SLC16A12: variants seen among roughly 807,000 people sequenced by gnomAD.
SLC16A12 encodes monocarboxylate transporter 12.
Under a neutral mutation model 42.4 loss-of-function variants are expected in SLC16A12, and 17 were observed. The observed-to-expected ratio is 0.40, with a 90% CI of 0.27 to 0.60. The LOEUF is 0.60. Ranked by LOEUF, SLC16A12 falls within the 20% of genes least tolerant of loss-of-function variation. The pLI, the probability that SLC16A12 is intolerant of heterozygous loss-of-function variation, is 0.42. For synonymous variants in SLC16A12, 224 were observed against 229.4 expected (o/e 0.98, Z 0.21); for missense variants, 544 against 623.0 (o/e 0.87, Z 1.35).
upstream of SLC16A12, among the ~76,000 whole-genome samples, chr10:89,537,736 T>C (rs1031602767): frequency 1.2e-4 from 18 of 150,094 alleles, no homozygotes; most frequent in African/African-American, 4.4e-4. Context: ...ATTTAAATAA[T>C]GTAGGACAAC....
intron 2 of SLC16A12, among the ~76,000 whole-genome samples, chr10:89,528,739 G>T (rs995474732): frequency 6.6e-6 from 1 of 152,192 alleles, no homozygotes; most frequent in African/African-American, 2.4e-5. Flanking sequence ...AACCCTGGCT[G>T]TACATGAGAT....
chr10:89,495,538 A>G (rs1484334887), intron 2 of SLC16A12, among the ~76,000 whole-genome samples: 4 of 152,298 alleles, frequency 2.6e-5, no homozygotes, highest in East Asian at 1.9e-4. Flanking sequence ...ATCTTGATAC[A>G]TCCATCAAAA....
chr10:89,445,633 C>A (rs907974181), intron 3 of SLC16A12, among the ~76,000 whole-genome samples: 3 of 152,128 alleles, frequency 2.0e-5, no homozygotes, highest in Non-Finnish European at 2.9e-5. Flanking sequence ...GTAGATAAAA[C>A]CACAAAGATG....
intron 2 of SLC16A12, among the ~76,000 whole-genome samples, chr10:89,494,191 G>A (rs1319664300): frequency 6.6e-6 from 1 of 152,168 alleles, no homozygotes; most frequent in Non-Finnish European, 1.5e-5. Flanking sequence ...CATTGGTCCA[G>A]CATCAAAAAG....
intron 2 of SLC16A12, among the ~76,000 whole-genome samples, chr10:89,488,036 T>G (rs1313271946): frequency 6.8e-6 from 1 of 146,662 alleles, no homozygotes; most frequent in African/African-American, 2.5e-5. Context: ...ATATATTAAA[T>G]ATATATGTGT....
At position 89,430,931 on chromosome 10, in the gene SLC16A12, T is replaced by C. The variant is rs188692739; in HGVS notation, c.*2133A>G. 12 of 339,882 alleles carry C rather than the reference T, an allele frequency of 3.5e-5. No individual in the cohort carries two copies. The highest frequency in any genetic ancestry group is 1.9e-4 in the South Asian group (8 of 41,950). The allele number at this position is 339,882 out of a possible 1,614,324, so 21.1% of individuals were successfully genotyped here. A position where few individuals can be genotyped will look rare whatever the true frequency, so the allele number is the denominator to read the frequency against. ...TTAGGCTTGAAAATTCAAGAAATGATATTTAGGGCAAAGTGCTATTCCAAA... is the reference window on the plus strand; with the variant it reads ...TTAGGCTTGAAAATTCAAGAAATGACATTTAGGGCAAAGTGCTATTCCAAA... On this transcript the variant is annotated 3_prime_UTR_variant, in exon 8 of 8. Coordinates refer to ENST00000371790, the MANE Select transcript of SLC16A12 (RefSeq NM_213606.4).
intron 2 of SLC16A12, among the ~76,000 whole-genome samples, chr10:89,468,794 C>G (rs1842448305): frequency 6.6e-6 from 1 of 152,150 alleles, no homozygotes; most frequent in African/African-American, 2.4e-5. Context: ...AATTAACCCA[C>G]CTGACAAGAG....
intron 3 of SLC16A12, among the ~76,000 whole-genome samples, chr10:89,448,564 T>C (rs1842040836): frequency 6.6e-6 from 1 of 152,202 alleles, no homozygotes; most frequent in Non-Finnish European, 1.5e-5. Context: ...CATCCCTTCA[T>C]GCTAAAAACT....
chr10:89,544,644 GA>G (rs1564605675), intron 2 of SLC16A12, among the ~76,000 whole-genome samples: 1 of 152,224 alleles, frequency 6.6e-6, no homozygotes, highest in South Asian at 2.1e-4. Context: ...GAAATTTATT[GA>G]AATTTTTTAG....
chr10:89,461,936 G>GC (rs1842306983), intron 3 of SLC16A12, among the ~76,000 whole-genome samples: 1 of 152,210 alleles, frequency 6.6e-6, no homozygotes, highest in Non-Finnish European at 1.5e-5. Flanking sequence ...AAGAGTGGAA[G>GC]ATGAAGAGTG....
Position 89,475,797 on chromosome 10 carries a change from C to A in SLC16A12, c.-46-13173G>T, listed in dbSNP as rs149744812. On this transcript the variant is annotated intron_variant, in intron 2 of 7. Transcript: ENST00000371790. ...TTTACATAAGACTTAGAATAAACAG[C>A]AGAGTGATTTATATGGTATTTGGTC... Among the ~76,000 whole-genome samples the A allele has an allele frequency of 1.4e-4, 22 of 152,234 alleles. No individual in the cohort carries two copies. The East Asian group carries it at 3.9e-3, about 27-fold the overall frequency.
chr10:89,487,976 ATATATATAT>A (rs1842786697), intron 2 of SLC16A12, among the ~76,000 whole-genome samples: 6 of 134,266 alleles, frequency 4.5e-5, no homozygotes, highest in African/African-American at 1.6e-4. Context: ...ATATATATAT[ATATATATAT>A]ATATATATAT....
chr10:89,533,833 T>TAAA (rs113124054), intron 2 of SLC16A12, among the ~76,000 whole-genome samples: 76 of 145,818 alleles, frequency 5.2e-4, no homozygotes, highest in African/African-American at 1.4e-3. Flanking sequence ...TCCCATCAGT[T>TAAA]AAAAAAAAAA....
At chr10:89,516,420 T>C (rs1277746018) in intron 2 of SLC16A12, among the ~76,000 whole-genome samples, 1 of 152,188 alleles carries the variant, frequency 6.6e-6, no homozygotes, top group Non-Finnish European at 1.5e-5. Flanking sequence ...AAATAGAAAC[T>C]CTAAATAACT....
intron 2 of SLC16A12, among the ~76,000 whole-genome samples, chr10:89,465,025 ACT>A (rs1261299162): frequency 6.6e-6 from 1 of 152,234 alleles, no homozygotes; most frequent in Admixed American, 6.5e-5. Context: ...ATTGCTAAAC[ACT>A]GGCCTGAGGA....
intron 2 of SLC16A12, among the ~76,000 whole-genome samples, chr10:89,508,156 T>G (rs182379965): frequency 3.3e-5 from 5 of 152,176 alleles, no homozygotes; most frequent in African/African-American, 9.6e-5. Context: ...CTATCAATAT[T>G]AGACAGATCA....
At chr10:89,476,560 C>T (rs1390187569) in intron 2 of SLC16A12, among the ~76,000 whole-genome samples, 4 of 152,196 alleles carry the variant, frequency 2.6e-5, no homozygotes, top group Non-Finnish European at 5.9e-5. Context: ...AGAACAGGGA[C>T]TCAATAAGCA....
intron 5 of SLC16A12, among the ~76,000 whole-genome samples, chr10:89,440,261 T>G (rs1841883885): frequency 6.6e-6 from 1 of 152,070 alleles, no homozygotes; most frequent in Non-Finnish European, 1.5e-5. Flanking sequence ...TTGCCTGGAC[T>G]GAGGGGTTTC....
intron 7 of SLC16A12, among the ~76,000 whole-genome samples, chr10:89,435,836 T>C (rs1841773523): frequency 6.6e-6 from 1 of 152,166 alleles, no homozygotes; most frequent in Non-Finnish European, 1.5e-5. Context: ...ATTTGGGACT[T>C]ACTCTTTCCA....
Sources: gnomAD v4.1 joint callset for allele counts (sites outside exome capture counted in the v4.1 genomes callset) on GRCh38, gnomAD v4.1.1 for gene constraint, MANE v1.5 for transcripts, NCBI Gene and HGNC (gene_info 2026-07-23, HGNC 2026-07-21) for gene names.